Variants in ATP2B1 observed in about 807,000 individuals in gnomAD.
The protein encoded by ATP2B1 is plasma membrane calcium-transporting ATPase 1.
Under a neutral mutation model 124.2 loss-of-function variants are expected in ATP2B1, and 14 were observed. The ratio of observed to expected loss-of-function variants is 0.11; its 90% CI spans 0.07 to 0.18. ATP2B1 has a LOEUF of 0.18. Ranked by LOEUF, ATP2B1 falls within the 10% of genes least tolerant of loss-of-function variation. The pLI, the probability that ATP2B1 is intolerant of heterozygous loss-of-function variation, is 1.00. For synonymous variants in ATP2B1, 449 were observed against 492.4 expected, an observed-to-expected ratio of 0.91 and a Z score of 1.17; for missense variants, 763 against 1,466.1, an observed-to-expected ratio of 0.52 and a Z score of 7.83.
chr12:89,605,264 G>A (rs181485004), intron 15 of ATP2B1, among the ~76,000 whole-genome samples: 3 of 152,238 alleles, frequency 2.0e-5, no homozygotes, highest in Admixed American at 6.5e-5. Context: ...ACCTTGCCAC[G>A]AGCTGAAAGT....
intron 3 of ATP2B1, among the ~76,000 whole-genome samples, chr12:89,636,651 T>A (rs571191705): frequency 2.6e-5 from 4 of 152,010 alleles, no homozygotes; most frequent in African/African-American, 4.8e-5. Flanking sequence ...ATCTGAGGTG[T>A]GAGGGTGCTG....
At chr12:89,674,534 G>A (rs1365269518) in intron 1 of ATP2B1, among the ~76,000 whole-genome samples, 2 of 152,238 alleles carry the variant, frequency 1.3e-5, no homozygotes, top group South Asian at 2.1e-4. Flanking sequence ...AATTTTGAAT[G>A]CTTACTATAT....
At chr12:89,612,984 G>C (rs1231230636) in intron 12 of ATP2B1, among the ~76,000 whole-genome samples, 2 of 151,898 alleles carry the variant, frequency 1.3e-5, no homozygotes, top group Non-Finnish European at 2.9e-5. Flanking sequence ...TTCCAGACAA[G>C]GTACTTTTTT....
chr12:89,629,209 T>C (rs1488592877), intron 6 of ATP2B1, among the ~76,000 whole-genome samples: 1 of 152,150 alleles, frequency 6.6e-6, no homozygotes, highest in African/African-American at 2.4e-5. Context: ...CATAAAAGGG[T>C]AGACTCTTGA....
intron 1 of ATP2B1, among the ~76,000 whole-genome samples, chr12:89,700,509 T>A (rs1426764186): frequency 6.6e-6 from 1 of 152,128 alleles, no homozygotes; most frequent in Non-Finnish European, 1.5e-5. Context: ...GACAGAAGTA[T>A]AGCAAAGAAA....
intron 1 of ATP2B1, among the ~76,000 whole-genome samples, chr12:89,684,698 G>A (rs1372033965): frequency 6.6e-6 from 1 of 152,080 alleles, no homozygotes; most frequent in Non-Finnish European, 1.5e-5. Context: ...GTAATGCAGA[G>A]CTTTATGTTT....
intron 10 of ATP2B1, among the ~76,000 whole-genome samples, chr12:89,620,579 G>C (rs1481666125): frequency 6.6e-6 from 1 of 152,134 alleles, no homozygotes; most frequent in East Asian, 1.9e-4. Context: ...CTAATACAGA[G>C]TGGAACTTAA....
chr12:89,637,877 T>G (rs758629829), intron 3 of ATP2B1, among the ~76,000 whole-genome samples: 34 of 152,156 alleles, frequency 2.2e-4, no homozygotes, highest in Non-Finnish European at 4.4e-4. Flanking sequence ...GGGAAAGAAT[T>G]ACGGACAATT....
chr12:89,624,186 G>T lies in ATP2B1; in HGVS notation c.1341C>A (p.Val447=). ...TACTGAACTATTTTCTACTTACTTT[G>T]ACTGAATAAGCCAGTGAGATCGTGA... ...LAVTISLAYS[V]KKMMKDNNLV... The change falls in exon 9 of 21, where the codon GTC becomes GTA. Residue 447 remains valine (V), a synonymous_variant. Transcript: ENST00000428670. 1 of 1,613,572 alleles carries T rather than the reference G, an allele frequency of 6.2e-7. No individual in the cohort carries two copies. The highest frequency in any genetic ancestry group is 1.1e-5 in the South Asian group (1 of 91,002).
At chr12:89,627,928 C>A (rs937099326) in intron 6 of ATP2B1, among the ~76,000 whole-genome samples, 19 of 152,202 alleles carry the variant, frequency 1.2e-4, no homozygotes, top group Non-Finnish European at 1.9e-4. Context: ...TTTAGGGTGT[C>A]TATATTTGTT....
rs183622061 is a variant in ATP2B1, at chr12:89,616,367, T to C, written c.2067+435A>G. ...AAAATTTAAAAATCCTGTCTTTTAG[T>C]TGCACTAGCCACTGAAAACTAGAAG... On this transcript the variant is annotated intron_variant, in intron 12 of 20. Coordinates refer to ENST00000428670, the MANE Select transcript of ATP2B1 (RefSeq NM_001366521.1). Among the ~76,000 whole-genome samples the C allele has an allele frequency of 8.4e-4, 128 of 152,330 alleles. 4 individuals are homozygous for C. The East Asian group carries it at 0.021, about 25-fold the overall frequency.
At chr12:89,697,751 CCT>C (rs1032398335) in intron 1 of ATP2B1, among the ~76,000 whole-genome samples, 3 of 142,912 alleles carry the variant, frequency 2.1e-5, no homozygotes, top group Middle Eastern at 3.6e-3. Flanking sequence ...TATCAGCAGT[CCT>C]CTTAGTCCCC....
At chr12:89,601,718 A>G (rs1202228539) in intron 18 of ATP2B1, among the ~76,000 whole-genome samples, 1 of 152,218 alleles carries the variant, frequency 6.6e-6, no homozygotes, top group East Asian at 1.9e-4. Flanking sequence ...CGCTTACTAA[A>G]AAGTAAAATT....
Position 89,616,939 on chromosome 12 carries a change from C to T in ATP2B1, c.1930G>A (p.Gly644Ser). Residue 644 changes from glycine (G) to serine (S), a missense_variant, in exon 12 of 21, where the codon GGC becomes AGC. By Grantham distance (56) the Gly-to-Ser change is moderately conservative (BLOSUM62 0). This residue lies in a region of ATP2B1 where 392 missense variants were observed against 776.6 expected (regional missense o/e 0.50). Coordinates refer to ENST00000428670, the MANE Select transcript of ATP2B1 (RefSeq NM_001366521.1). Reference protein sequence around the residue: ...KTVIEPMASEGLRTICLAFRD... With the variant: ...KTVIEPMASESLRTICLAFRD... ...AATGCAAGACATATGGTTCTCAAGC[C>T]TTCTGATGCCATCGGTTCAATCACA... is the stretch of plus-strand genomic sequence containing the variant. 1 of 1,614,108 alleles carries T rather than the reference C, an allele frequency of 6.2e-7. No homozygotes were observed. The highest frequency in any genetic ancestry group is 8.5e-7 in the Non-Finnish European group (1 of 1,179,992).
chr12:89,618,825 A>G (rs910308871), intron 11 of ATP2B1, among the ~76,000 whole-genome samples: 4 of 152,210 alleles, frequency 2.6e-5, no homozygotes, highest in Admixed American at 1.3e-4. Flanking sequence ...ATTTATTTAT[A>G]TATTTGTCTC....
chr12:89,631,297 A>G (rs1001806642), intron 5 of ATP2B1, among the ~76,000 whole-genome samples: 1 of 152,176 alleles, frequency 6.6e-6, no homozygotes, highest in Non-Finnish European at 1.5e-5. Context: ...CATACTGCCT[A>G]GAATTTGTAG....
chr12:89,679,103 CA>C (rs1889037017), intron 1 of ATP2B1, among the ~76,000 whole-genome samples: 1 of 151,726 alleles, frequency 6.6e-6, no homozygotes, highest in Admixed American at 6.6e-5. Flanking sequence ...GTAAACATTA[CA>C]ATAACTTTTA....
intron 11 of ATP2B1, among the ~76,000 whole-genome samples, chr12:89,619,616 A>G (rs1477289283): frequency 8.7e-6 from 1 of 115,102 alleles, no homozygotes; most frequent in Non-Finnish European, 1.9e-5. Flanking sequence ...ACCTTAAACA[A>G]ATAAAAAAAA....
Position 89,642,195 on chromosome 12 carries a change from G to C in ATP2B1, c.369C>G (p.Gly123=). 6.2e-7 allele frequency: 1 copy of C among 1,613,620 alleles called. No individual in the cohort carries two copies. Residue 123 remains glycine, a synonymous_variant, in exon 3 of 21, where the codon GGC becomes GGG. Coordinates refer to ENST00000428670, the MANE Select transcript of ATP2B1 (RefSeq NM_001366521.1). ...CTTCTGGAGGCTGATAAAAAGAAAG[G>C]CCCAATGATACTATGGCTGCAATTT... ...ILEIAAIVSL[G]LSFYQPPEGD...
Sources: allele counts gnomAD v4.1 joint callset (sites outside exome capture counted in the v4.1 genomes callset), GRCh38; gene constraint gnomAD v4.1.1; regional missense constraint gnomAD v4.1.1; transcripts MANE v1.5; gene names NCBI Gene and HGNC (gene_info 2026-07-23, HGNC 2026-07-21).